IFT52: variants seen among roughly 807,000 people sequenced by gnomAD.
IFT52 encodes intraflagellar transport 52, also known as intraflagellar transport protein 52 homolog.
Under a neutral mutation model 54.4 loss-of-function variants are expected in IFT52, and 44 were observed. That is an observed-to-expected ratio of 0.81 (90% CI 0.63 to 1.04). The LOEUF (loss-of-function observed/expected upper bound fraction) is 1.04, where lower values mean the gene tolerates loss of function less well. IFT52 is among the 50% of genes least tolerant of loss of function. The pLI, the probability that IFT52 is intolerant of heterozygous loss-of-function variation, is 0.00. For synonymous variants in IFT52, 181 were observed against 185.3 expected, an observed-to-expected ratio of 0.98 and a Z score of 0.19; for missense variants, 452 against 523.6, an observed-to-expected ratio of 0.86 and a Z score of 1.33.
At chr20:43,607,247 T>TGGCC (rs1447264581) in intron 6 of IFT52, among the ~76,000 whole-genome samples, 10 of 147,970 alleles carry the variant, frequency 6.8e-5, no homozygotes, top group South Asian at 6.5e-4. Flanking sequence ...ACGGGGCGGC[T>TGGCC]GGCCGGGCGG....
chr20:43,596,586 C>T (rs1031745734), intron 3 of IFT52, 64 bp downstream of exon 3: 42 of 1,092,560 alleles, frequency 3.8e-5, no homozygotes, highest in East Asian at 9.5e-5. Flanking sequence ...TTTGAAATAC[C>T]GGATTTGAAT....
intron 7 of IFT52, 75 bp downstream of exon 7, chr20:43,614,051 A>T: frequency 7.2e-7 from 1 of 1,396,872 alleles, no homozygotes; most frequent in South Asian, 1.2e-5. Context: ...TACCATTTCC[A>T]GAAGGCTTCT....
intron 9 of IFT52, among the ~76,000 whole-genome samples, chr20:43,621,824 G>A (rs1984322874): frequency 1.3e-5 from 2 of 152,212 alleles, no homozygotes; most frequent in African/African-American, 4.8e-5. Context: ...CTCACAGGAT[G>A]GTTGTGTGGG....
intron 9 of IFT52, among the ~76,000 whole-genome samples, chr20:43,621,701 G>A (rs1984313508): frequency 6.6e-6 from 1 of 152,180 alleles, no homozygotes; most frequent in African/African-American, 2.4e-5. Context: ...GACCTCAAGT[G>A]ATCCACCTGT....
Position 43,603,707 on chromosome 20 carries a change from T to C in IFT52, c.208-53T>C. The C allele has an allele frequency of 1.3e-6, 2 of 1,556,812 alleles. 1 individual carries two copies. The highest frequency in any genetic ancestry group is 2.3e-5 in the South Asian group (2 of 85,856). On this transcript the variant is annotated intron_variant, in intron 3 of 13. Coordinates refer to ENST00000373030, the MANE Select transcript of IFT52 (RefSeq NM_016004.5). ...TAGTTAAGGTCTTATTCATGGTATT[T>C]CGGGCAAAAGTCTTTCAAGTATATT...
At chr20:43,591,207 G>T (rs1199919901) in intron 1 of IFT52, among the ~76,000 whole-genome samples, 153 bp downstream of exon 1, 2 of 152,232 alleles carry the variant, frequency 1.3e-5, no homozygotes, top group Admixed American at 6.5e-5. Context: ...GACGTAGCCC[G>T]GGTTCCTGGC....
At chr20:43,631,227 G>A (rs1321275078) in intron 10 of IFT52, among the ~76,000 whole-genome samples, 7 of 152,140 alleles carry the variant, frequency 4.6e-5, no homozygotes, top group Admixed American at 3.3e-4. Context: ...GAGATTATCC[G>A]ACTTTCCACA....
chr20:43,624,962 C>CCAT (rs1050732816), intron 10 of IFT52, among the ~76,000 whole-genome samples: 1 of 152,106 alleles, frequency 6.6e-6, no homozygotes, highest in African/African-American at 2.4e-5. Flanking sequence ...TAGCATGCTG[C>CCAT]CATTCTCCTT....
chr20:43,613,679 C>T (rs189463599), intron 6 of IFT52, among the ~76,000 whole-genome samples, 171 bp from the exon 7 acceptor site: 53 of 152,296 alleles, frequency 3.5e-4, no homozygotes, highest in African/African-American at 1.2e-3. Context: ...ACAGCTTAAA[C>T]CTGAGAGGCG....
At chr20:43,633,681 C>G (rs574295831) in intron 10 of IFT52, among the ~76,000 whole-genome samples, 1 of 152,076 alleles carries the variant, frequency 6.6e-6, no homozygotes, top group African/African-American at 2.4e-5. Flanking sequence ...GCACTCCAGC[C>G]TGGGCGACAG....
intron 7 of IFT52, among the ~76,000 whole-genome samples, chr20:43,617,265 AT>A (rs1305197769): frequency 2.6e-5 from 4 of 152,214 alleles, no homozygotes; most frequent in African/African-American, 9.6e-5. Flanking sequence ...TTCAGCAACA[AT>A]GTGTGAAAGA....
Position 43,604,168 on chromosome 20 carries a change from C to CT in IFT52, c.338-10dup, listed in dbSNP as rs1234457862. ...TCTAACCTAAAATATACCTCCTTCT[C>CT]TTTTTCCCTCATAGATGCTGTGGTT... is the stretch of plus-strand genomic sequence containing the variant. On this transcript the variant is annotated splice_polypyrimidine_tract_variant and intron_variant, in intron 4 of 13. Coordinates refer to ENST00000373030, the MANE Select transcript of IFT52 (RefSeq NM_016004.5). 6.3e-7 allele frequency: 1 copy of CT among 1,585,682 alleles called. No individual in the cohort carries two copies.
intron 13 of IFT52, among the ~76,000 whole-genome samples, 169 bp from the exon 14 acceptor site, chr20:43,646,767 A>G (rs1218845186): frequency 2.0e-5 from 3 of 152,292 alleles, no homozygotes; most frequent in Admixed American, 1.3e-4. Flanking sequence ...TGGTAGGGCA[A>G]AAGGATCAAA....
chr20:43,596,736 C>CTCTTT (rs1293519702), intron 3 of IFT52, among the ~76,000 whole-genome samples: 2 of 75,910 alleles, frequency 2.6e-5, no homozygotes, highest in Admixed American at 1.7e-4. Flanking sequence ...AGCCACACTT[C>CTCTTT]TTTTTTTTTT....
chr20:43,620,618 C>A (rs1032155935), intron 8 of IFT52, among the ~76,000 whole-genome samples: 1 of 152,080 alleles, frequency 6.6e-6, no homozygotes, highest in South Asian at 2.1e-4. Flanking sequence ...ATTGCGCCAC[C>A]GCACTCTAAC....
chr20:43,622,802 ATG>A (rs1984437985), intron 9 of IFT52, among the ~76,000 whole-genome samples: 5 of 130,802 alleles, frequency 3.8e-5, no homozygotes, highest in Admixed American at 8.2e-5. Context: ...ATATTTTTAT[ATG>A]TAAATATAAA....
chr20:43,614,789 A>ATCCCACTG (rs1983731789), intron 7 of IFT52, among the ~76,000 whole-genome samples: 1 of 150,912 alleles, frequency 6.6e-6, no homozygotes, highest in Non-Finnish European at 1.5e-5. Context: ...GTGACCCAAC[A>ATCCCACTG]TCCCACTGCC....
chr20:43,642,893 G>A (rs1423891994), intron 13 of IFT52, among the ~76,000 whole-genome samples: 4 of 152,158 alleles, frequency 2.6e-5, no homozygotes, highest in South Asian at 4.1e-4. Context: ...GAGGCTGGGC[G>A]CAGTGGCTCA....
chr20:43,607,915 C>G (rs1286833305), intron 6 of IFT52, among the ~76,000 whole-genome samples: 2 of 152,232 alleles, frequency 1.3e-5, no homozygotes, highest in African/African-American at 4.8e-5. Context: ...GAGGCCGAGG[C>G]TGGGGGATCA....
Sources: allele counts gnomAD v4.1 joint callset (sites outside exome capture counted in the v4.1 genomes callset), GRCh38; gene constraint gnomAD v4.1.1; transcripts MANE v1.5; gene names NCBI Gene and HGNC (gene_info 2026-07-23, HGNC 2026-07-21).